TULP4: variants seen among roughly 807,000 people sequenced by gnomAD.
The protein encoded by TULP4 is TUB like protein 4, also known as tubby-related protein 4.
TULP4 carries 16 observed loss-of-function variants against 129.0 expected under a neutral mutation model. The observed-to-expected ratio is 0.12, with a 90% CI of 0.08 to 0.19. The LOEUF (loss-of-function observed/expected upper bound fraction) is 0.19. Among genes scored for constraint, TULP4 ranks in the 10% least tolerant of loss-of-function variants. The pLI is 1.00. For missense variants in TULP4, 1,842 were observed against 2,059.1 expected (o/e 0.89, Z 2.04); for synonymous variants, 998 against 854.0 (o/e 1.17, Z -2.94).
chr6:158,342,892 C>T (rs1424158369), intron 1 of TULP4, among the ~76,000 whole-genome samples: 2 of 151,768 alleles, frequency 1.3e-5, no homozygotes, highest in Non-Finnish European at 2.9e-5. Context: ...TAAGAATAGG[C>T]TCAATAAATG....
At chr6:158,423,348 G>C (rs1004019792) in intron 2 of TULP4, among the ~76,000 whole-genome samples, 1 of 152,180 alleles carries the variant, frequency 6.6e-6, no homozygotes, top group Non-Finnish European at 1.5e-5. Flanking sequence ...AGTTAGACAG[G>C]AAAATAAGTT....
intron 1 of TULP4, among the ~76,000 whole-genome samples, chr6:158,291,841 G>A (rs1393416658): frequency 6.6e-6 from 1 of 152,050 alleles, no homozygotes; most frequent in Non-Finnish European, 1.5e-5. Context: ...GAAGGAATAG[G>A]TTTTTCATTT....
chr6:158,463,967 A>G (rs1037225394), intron 6 of TULP4, among the ~76,000 whole-genome samples: 1 of 152,164 alleles, frequency 6.6e-6, no homozygotes, highest in Non-Finnish European at 1.5e-5. Flanking sequence ...CTCTTTACCT[A>G]TTAAACAACT....
Position 158,498,618 on chromosome 6 carries a change from G to T in TULP4, c.1871-51G>T, listed in dbSNP as rs1439953543. ...TTCCTGTGACTCTCTTGACACTTTG[G>T]CTCTGCTCTGGTGTGTCTCTGTTAA... On this transcript the variant is annotated intron_variant, in intron 11 of 13. Transcript: ENST00000367097. 3.1e-6 allele frequency: 5 copies of T among 1,609,940 alleles called. No homozygotes were observed. In the East Asian group the frequency reaches 1.1e-4, roughly 36 times the overall value.
intron 2 of TULP4, among the ~76,000 whole-genome samples, chr6:158,425,799 C>T (rs1778477626): frequency 6.6e-6 from 1 of 151,878 alleles, no homozygotes; most frequent in Non-Finnish European, 1.5e-5. Flanking sequence ...AGATGGGAAA[C>T]CCATCTCTGG....
chr6:158,240,321 C>T (rs1409235925), intron 1 of TULP4, among the ~76,000 whole-genome samples: 5 of 81,962 alleles, frequency 6.1e-5, no homozygotes, highest in Admixed American at 2.5e-4. Context: ...ACCTCCCGGA[C>T]GGGGCGGCTG....
chr6:158,346,563 G>A (rs1780317863), intron 1 of TULP4, among the ~76,000 whole-genome samples: 1 of 152,142 alleles, frequency 6.6e-6, no homozygotes, highest in Admixed American at 6.5e-5. Flanking sequence ...TACAAGTTAT[G>A]CTGATATATG....
chr6:158,256,237 T>G (rs1332871355), intron 1 of TULP4, among the ~76,000 whole-genome samples: 1 of 150,196 alleles, frequency 6.7e-6, no homozygotes, highest in Non-Finnish European at 1.5e-5. Flanking sequence ...TGGAATCTGA[T>G]GAAGTGAACA....
chr6:158,345,442 C>T (rs1780279579), intron 1 of TULP4, among the ~76,000 whole-genome samples: 3 of 152,208 alleles, frequency 2.0e-5, no homozygotes, highest in African/African-American at 7.2e-5. Flanking sequence ...TCTATTTTCC[C>T]TAAGTGTCAG....
intron 1 of TULP4, among the ~76,000 whole-genome samples, chr6:158,352,044 C>T (rs866484487): frequency 2.6e-5 from 4 of 152,076 alleles, no homozygotes; most frequent in Middle Eastern, 6.8e-3. Flanking sequence ...TAAATAATTA[C>T]TTATTGGGGC....
At chr6:158,389,009 A>C (rs1483109504) in intron 1 of TULP4, among the ~76,000 whole-genome samples, 1 of 152,248 alleles carries the variant, frequency 6.6e-6, no homozygotes, top group Non-Finnish European at 1.5e-5. Flanking sequence ...CTGAGTTTTG[A>C]AAATGACTGT....
intron 1 of TULP4, among the ~76,000 whole-genome samples, chr6:158,236,733 A>C (rs562499827): frequency 5.2e-4 from 79 of 151,812 alleles, no homozygotes; most frequent in African/African-American, 1.9e-3. Flanking sequence ...AAAAAGATCA[A>C]ATCAGCACAC....
chr6:158,449,045 G>C lies in TULP4; in HGVS notation c.593G>C (p.Gly198Ala). 2 of 1,613,928 alleles carry C rather than the reference G, an allele frequency of 1.2e-6. No homozygotes were observed. The highest frequency in any genetic ancestry group is 1.7e-6 in the Non-Finnish European group (2 of 1,179,848). The change falls in exon 4 of 14, where the codon GGC becomes GCC. Residue 198 changes from glycine to alanine, a missense_variant. By Grantham distance (60) the Gly-to-Ala change is moderately conservative. Coordinates refer to ENST00000367097, the MANE Select transcript of TULP4 (RefSeq NM_020245.5). ...CAGGTGATTGTCATGGATTGCCACG[G>C]CAGAATGCTGGCCCACGTCCTCTTG... is the stretch of plus-strand genomic sequence containing the variant. Reference protein sequence around the residue: ...DGQVIVMDCHGRMLAHVLLHE... With the variant: ...DGQVIVMDCHARMLAHVLLHE...
chr6:158,365,329 A>T (rs1693889896), intron 1 of TULP4, among the ~76,000 whole-genome samples: 1 of 151,200 alleles, frequency 6.6e-6, no homozygotes, highest in Admixed American at 6.6e-5. Flanking sequence ...CCATCTACTG[A>T]CCATATATTT....
chr6:158,450,916 T>G (rs941537929), intron 4 of TULP4, among the ~76,000 whole-genome samples: 1 of 150,960 alleles, frequency 6.6e-6, no homozygotes, highest in African/African-American at 2.4e-5. Flanking sequence ...AAAAAAAAAA[T>G]TAGCCAAGCA....
chr6:158,454,022 C>CA (rs1491457935), intron 5 of TULP4, among the ~76,000 whole-genome samples: 3 of 94,678 alleles, frequency 3.2e-5, no homozygotes, highest in Non-Finnish European at 7.8e-5. Context: ...CTCTGCACCG[C>CA]CCCCCCCCAA....
chr6:158,235,214 A>T (rs765099516), intron 1 of TULP4, among the ~76,000 whole-genome samples: 3 of 151,988 alleles, frequency 2.0e-5, no homozygotes, highest in Admixed American at 6.6e-5. Context: ...TTCAGTGTAC[A>T]GTTCAGTAGC....
At chr6:158,334,016 G>A (rs984411155) in intron 1 of TULP4, among the ~76,000 whole-genome samples, 20 of 152,196 alleles carry the variant, frequency 1.3e-4, no homozygotes, top group African/African-American at 3.9e-4. Flanking sequence ...CTCCAGTGTC[G>A]CGAGTATCCG....
chr6:158,282,211 G>A (rs1169189950), upstream of TULP4: 3 of 151,920 alleles, frequency 2.0e-5, no homozygotes, highest in African/African-American at 7.3e-5. Flanking sequence ...TATGCTTTTT[G>A]CTTCTGGAAC....
Sources: gnomAD v4.1 joint callset for allele counts (sites outside exome capture counted in the v4.1 genomes callset) on GRCh38, gnomAD v4.1.1 for gene constraint, MANE v1.5 for transcripts, NCBI Gene and HGNC (gene_info 2026-07-23, HGNC 2026-07-21) for gene names.